STXBP3: variants seen among roughly 807,000 people sequenced by gnomAD.
The protein encoded by STXBP3 is syntaxin-binding protein 3.
STXBP3 carries 41 observed loss-of-function variants against 85.7 expected under a neutral mutation model. The observed-to-expected ratio is 0.48, with a 90% confidence interval of 0.37 to 0.62. STXBP3 has a LOEUF of 0.62. STXBP3 is among the 20% of genes least tolerant of loss of function. STXBP3 has a pLI of 0.00. For missense variants in STXBP3, 563 were observed against 703.1 expected (o/e 0.80, Z 2.25); for synonymous variants, 229 against 231.7 (o/e 0.99, Z 0.10).
rs1663401293 is a variant in STXBP3 at position 108,809,000 on chromosome 1, AT to A, written c.*126del. 5 of 647,562 alleles carry A rather than the reference AT, an allele frequency of 7.7e-6. No individual in the cohort carries two copies. In the East Asian group the frequency reaches 8.9e-5, roughly 12 times the overall value. 40.1% of individuals were successfully genotyped at this position (647,562 alleles called of 1,614,324 possible). On this transcript the variant is annotated 3_prime_UTR_variant, in exon 19 of 19. Coordinates refer to ENST00000370008, the MANE Select transcript of STXBP3 (RefSeq NM_007269.4). Reference sequence around the variant, plus strand: ...TATGGAATAATGGCTTTTCAAATACATTTCTTAAGGAACTGTTTATGATTAT... The same window carrying A: ...TATGGAATAATGGCTTTTCAAATACATTCTTAAGGAACTGTTTATGATTAT...
intron 6 of STXBP3, among the ~76,000 whole-genome samples, chr1:108,767,740 C>G (rs189538227): frequency 6.6e-6 from 1 of 151,964 alleles, no homozygotes; most frequent in South Asian, 2.1e-4. Flanking sequence ...CATGCCAGCA[C>G]GCCCAGCTAA....
At chr1:108,806,256 A>G (rs1557817430) in intron 17 of STXBP3, among the ~76,000 whole-genome samples, 1 of 152,178 alleles carries the variant, frequency 6.6e-6, no homozygotes, top group Non-Finnish European at 1.5e-5. Context: ...ACTGTCCAGT[A>G]TGACAGCCAC....
At chr1:108,796,458 G>A in intron 14 of STXBP3, 86 bp downstream of exon 14, 1 of 1,218,872 alleles carries the variant, frequency 8.2e-7, no homozygotes, top group Non-Finnish European at 1.1e-6. Context: ...TGCTGAACTT[G>A]GTTAAGATAA....
chr1:108,803,042 C>A (rs1303534765), intron 17 of STXBP3, among the ~76,000 whole-genome samples: 1 of 152,178 alleles, frequency 6.6e-6, no homozygotes, highest in African/African-American at 2.4e-5. Flanking sequence ...ATGCAGTGAG[C>A]ATTCTTGTAC....
At chr1:108,794,956 A>G in intron 13 of STXBP3, 49 bp downstream of exon 13, 1 of 1,496,832 alleles carries the variant, frequency 6.7e-7, no homozygotes, top group Non-Finnish European at 9.1e-7. Flanking sequence ...TTTCAAGGAT[A>G]AACTTTGTAA....
intron 9 of STXBP3, chr1:108,781,723 G>A (rs1292936647): frequency 6.6e-6 from 1 of 152,062 alleles, no homozygotes; most frequent in Non-Finnish European, 1.5e-5. Context: ...GTTTTGTTTT[G>A]TTTGAGTCAG....
Position 108,808,854 on chromosome 1 carries a change from G to A in STXBP3, c.1756G>A (p.Val586Ile). 1 of 1,611,264 alleles carries A rather than the reference G, an allele frequency of 6.2e-7. No homozygotes were observed. The highest frequency in any genetic ancestry group is 8.5e-7 in the Non-Finnish European group (1 of 1,178,888). ...GATGCTGAATAAACCCAAGGATAAA[G>A]TCTCCTTAATTAAAGATGAATAGCA... ...IKMLNKPKDK[V>I]SLIKDE The change falls in exon 19 of 19, where the codon GTC (valine) becomes ATC (isoleucine). Residue 586 changes from valine to isoleucine, a missense_variant. By Grantham distance (29) the Val-to-Ile change is conservative. Coordinates refer to ENST00000370008, the MANE Select transcript of STXBP3 (RefSeq NM_007269.4).
chr1:108,797,562 T>G (rs909973275), intron 15 of STXBP3, among the ~76,000 whole-genome samples: 52 of 150,608 alleles, frequency 3.5e-4, no homozygotes, highest in African/African-American at 1.0e-3. Context: ...GCGCCTGCCA[T>G]CCGCCCAGCT....
At chr1:108,782,824 G>A in intron 11 of STXBP3, 118 bp downstream of exon 11, 1 of 848,794 alleles carries the variant, frequency 1.2e-6, no homozygotes, top group East Asian at 2.7e-5. Flanking sequence ...TGGAGGTAGA[G>A]AATGAACTCC....
chr1:108,777,784 C>A (rs1163013158), intron 8 of STXBP3, among the ~76,000 whole-genome samples: 1 of 152,082 alleles, frequency 6.6e-6, no homozygotes. Flanking sequence ...TGAAGCCTTC[C>A]TTGACTCTTC....
In STXBP3 at chr1:108,758,518, T is replaced by C. The variant is rs952453654; in HGVS notation, c.267T>C (p.Asp89=). The C allele has an allele frequency of 2.6e-6, 4 of 1,523,030 alleles. No individual in the cohort carries two copies. Among genetic ancestry groups the C allele is most frequent in the South Asian group, 1.3e-5 (1 of 75,902 alleles). The allele number at this position is 1,523,030 out of a possible 1,614,324, so 94.3% of individuals were successfully genotyped here. ...YFITPTSKSV[D]CFLHDFASKS... is the part of the protein sequence containing the mutation. Reference sequence around the variant, plus strand: ...ATCTAACCTTTTTTAAGTCTGTAGATTGTTTCTTACATGATTTTGCAAGTA... The same window carrying C: ...ATCTAACCTTTTTTAAGTCTGTAGACTGTTTCTTACATGATTTTGCAAGTA... Residue 89 remains aspartate, a synonymous_variant, in exon 5 of 19, where the codon GAT becomes GAC. Transcript: ENST00000370008.
intron 1 of STXBP3, among the ~76,000 whole-genome samples, chr1:108,751,333 T>C (rs1661901886): frequency 6.6e-6 from 1 of 152,134 alleles, no homozygotes; most frequent in Non-Finnish European, 1.5e-5. Context: ...AAACCAAATA[T>C]TTTTTATTGT....
chr1:108,797,040 A>G (rs764455318), intron 15 of STXBP3, among the ~76,000 whole-genome samples: 3 of 152,100 alleles, frequency 2.0e-5, no homozygotes, highest in Non-Finnish European at 2.9e-5. Flanking sequence ...GAAAATAAGT[A>G]TATATTTTCT....
At chr1:108,800,760 T>A (rs1663218331) in intron 17 of STXBP3, among the ~76,000 whole-genome samples, 1 of 152,258 alleles carries the variant, frequency 6.6e-6, no homozygotes, top group South Asian at 2.1e-4. Context: ...TATGTCTTTA[T>A]ACTTTTTCTA....
At chr1:108,797,823 C>T (rs993567378) in intron 15 of STXBP3, among the ~76,000 whole-genome samples, 1 of 151,964 alleles carries the variant, frequency 6.6e-6, no homozygotes, top group Non-Finnish European at 1.5e-5. Context: ...GCAAGCTCTG[C>T]CTCCTGGGTT....
At position 108,753,136 on chromosome 1, in the gene STXBP3, G is replaced by A. The variant is rs1327169224; in HGVS notation, c.173G>A (p.Gly58Asp). The A allele has an allele frequency of 6.3e-7, 1 of 1,580,702 alleles. No individual in the cohort carries two copies. The highest frequency in any genetic ancestry group is 1.9e-5 in the Admixed American group (1 of 53,686). ...AAAATGACAGATCTTCTAGAAGAAG[G>A]TATTACTGGTAAGTGTTATTCTTGG... Reference protein sequence around the residue: ...CCKMTDLLEEGITVVENIYKN... With the variant: ...CCKMTDLLEEDITVVENIYKN... Residue 58 changes from glycine to aspartate, a missense_variant, in exon 3 of 19, where the codon GGT becomes GAT. Transcript: ENST00000370008.
rs557778753 is a variant in STXBP3 at position 108,761,524 on chromosome 1, G to C, written c.438+1439G>C. 2.6e-5 allele frequency among the ~76,000 whole-genome samples: 4 copies of C among 151,286 alleles called. No homozygotes were observed. The South Asian group carries it at 8.4e-4, about 32-fold the overall frequency. ...TATCTGAATAATTTGATGGTGAATAGAAATAACCTGTCTTTGCATGTCTAG... is the reference window on the plus strand; with the variant it reads ...TATCTGAATAATTTGATGGTGAATACAAATAACCTGTCTTTGCATGTCTAG... On this transcript the variant is annotated intron_variant, in intron 6 of 18. Transcript: ENST00000370008.
At position 108,765,591 on chromosome 1, in the gene STXBP3, T is replaced by TTTC. The variant is rs796642937; in HGVS notation, c.438+5507_438+5508insTCT. Among the ~76,000 whole-genome samples the TTTC allele has an allele frequency of 7.3e-5, 9 of 122,688 alleles. 3 individuals are homozygous for TTTC. The highest frequency in any genetic ancestry group is 4.9e-4 in the South Asian group (2 of 4,080). 80.5% of individuals were successfully genotyped at this position (122,688 alleles called of 152,430 possible). A position where few individuals can be genotyped will look rare whatever the true frequency, so the allele number is the denominator to read the frequency against. On this transcript the variant is annotated intron_variant, in intron 6 of 18. Transcript: ENST00000370008. ...GCTAATTTTTTTTTTTTTTTTTTTT[T>TTTC]TGAGACGGAGTCTCATTCCATCATC... is the stretch of plus-strand genomic sequence containing the variant.
intron 11 of STXBP3, among the ~76,000 whole-genome samples, chr1:108,784,128 T>C (rs967326604): frequency 6.6e-6 from 1 of 152,238 alleles, no homozygotes; most frequent in African/African-American, 2.4e-5. Flanking sequence ...TTATACTTTC[T>C]CTGTGTCCTT....
Sources: allele counts gnomAD v4.1 joint callset (sites outside exome capture counted in the v4.1 genomes callset), GRCh38; gene constraint gnomAD v4.1.1; transcripts MANE v1.5; gene names NCBI Gene and HGNC (gene_info 2026-07-23, HGNC 2026-07-21).